Variants in CNBD1 observed in about 807,000 individuals in gnomAD.
CNBD1 encodes the protein cyclic nucleotide binding domain containing 1, also known as cyclic nucleotide-binding domain-containing protein 1.
CNBD1 carries 71 observed loss-of-function variants against 54.4 expected under a neutral mutation model. The observed-to-expected ratio is 1.30, with a 90% CI of 1.08 to 1.59. The LOEUF is 1.59. Among genes scored for constraint, CNBD1 ranks in the 40% most tolerant of loss-of-function variants. CNBD1 has a pLI of 0.00. For synonymous variants in CNBD1, 182 were observed against 170.7 expected (o/e 1.07, Z -0.51); for missense variants, 659 against 518.0 (o/e 1.27, Z -2.64).
chr8:87,052,617 C>G (rs1018412431), intron 4 of CNBD1, among the ~76,000 whole-genome samples: 2 of 152,152 alleles, frequency 1.3e-5, no homozygotes, highest in Non-Finnish European at 2.9e-5. Context: ...GTTCTCTAAT[C>G]CCCCTTCCAG....
chr8:86,934,939 T>C (rs529424781), intron 3 of CNBD1, among the ~76,000 whole-genome samples: 1 of 152,336 alleles, frequency 6.6e-6, no homozygotes, highest in East Asian at 1.9e-4. Context: ...ATATCAAGGC[T>C]AGGCTGGCCT....
chr8:87,088,055 T>C (rs551102184), intron 4 of CNBD1, among the ~76,000 whole-genome samples: 1 of 152,324 alleles, frequency 6.6e-6, no homozygotes, highest in Non-Finnish European at 1.5e-5. Context: ...CTTACTGCAG[T>C]AATACATTGA....
intron 4 of CNBD1, among the ~76,000 whole-genome samples, chr8:87,168,679 T>G (rs1395764198): frequency 1.3e-5 from 2 of 152,100 alleles, no homozygotes. Context: ...AGTGATAACA[T>G]GCAGTTTGTC....
rs1239425538 is a variant in CNBD1, at chr8:87,166,841, C to G, written c.432-39152C>G. On this transcript the variant is annotated intron_variant, in intron 4 of 10. Coordinates refer to ENST00000518476, the MANE Select transcript of CNBD1 (RefSeq NM_173538.3). The surrounding 1 kb of genome is among the most constrained non-coding windows in gnomAD (Gnocchi z 4.3). The stretch of plus-strand genomic sequence containing the variant: ...AGGCATTCTGCAACCCCACCACAAA[C>G]TCATAATTGTTCTATTTTCCAGTAT... Among the ~76,000 whole-genome samples the G allele has an allele frequency of 3.3e-5, 5 of 151,916 alleles. No homozygotes were observed.
chr8:87,413,541 T>A (rs1230439636), intron 2 of CNBD1, among the ~76,000 whole-genome samples: 1 of 152,148 alleles, frequency 6.6e-6, no homozygotes, highest in South Asian at 2.1e-4. Context: ...TGTTCCAAAT[T>A]CTTCTTTTTT....
chr8:87,192,796 T>G (rs1271797960), intron 4 of CNBD1, among the ~76,000 whole-genome samples: 2 of 152,198 alleles, frequency 1.3e-5, no homozygotes, highest in South Asian at 2.1e-4. Flanking sequence ...CTGTCCATTC[T>G]TTTAACTAGC....
At chr8:86,941,809 C>T (rs1807316514) in intron 4 of CNBD1, among the ~76,000 whole-genome samples, 1 of 152,136 alleles carries the variant, frequency 6.6e-6, no homozygotes, top group Non-Finnish European at 1.5e-5. Context: ...CTTTTGTGGA[C>T]CTCCATGGAT....
intron 5 of CNBD1, among the ~76,000 whole-genome samples, chr8:87,235,669 C>T (rs1409091813): frequency 6.6e-6 from 1 of 152,024 alleles, no homozygotes; most frequent in Non-Finnish European, 1.5e-5. Flanking sequence ...CAGATCACAA[C>T]AGATATAATA....
intron 4 of CNBD1, among the ~76,000 whole-genome samples, chr8:87,149,855 A>T (rs1416412433): frequency 6.6e-6 from 1 of 152,094 alleles, no homozygotes; most frequent in African/African-American, 2.4e-5. Flanking sequence ...AATCATGAGA[A>T]AATAGAAGAT....
At chr8:87,102,133 C>T (rs182551903) in intron 4 of CNBD1, among the ~76,000 whole-genome samples, 35 of 152,088 alleles carry the variant, frequency 2.3e-4, no homozygotes, top group African/African-American at 6.5e-4. Flanking sequence ...GTGATCTGCC[C>T]GCCTCGGCCT....
intron 2 of CNBD1, among the ~76,000 whole-genome samples, chr8:86,899,332 CA>C (rs568951399): frequency 4.0e-4 from 58 of 143,474 alleles, no homozygotes; most frequent in Middle Eastern, 3.6e-3. Context: ...GTTCTTGCCA[CA>C]AAAAAAAAAT....
rs1422420925 is a variant in CNBD1 at position 87,327,129 on chromosome 8, C to G, written c.1043-24556C>G. ...GTTAGGCTGCTCGGGGGTCAGGGGT[C>G]AGGGACCCACTTGAGGAGGCAGTCT... On this transcript the variant is annotated intron_variant, in intron 8 of 10. Transcript: ENST00000518476. Among the ~76,000 whole-genome samples the G allele has an allele frequency of 4.9e-5, 7 of 143,742 alleles. No homozygotes were observed. The Admixed American group carries it at 4.9e-4, about 10-fold the overall frequency. The allele number at this position is 143,742 out of a possible 152,430, so 94.3% of individuals were successfully genotyped here. A position where few individuals can be genotyped will look rare whatever the true frequency, so the allele number is the denominator to read the frequency against.
At chr8:87,056,165 G>C (rs1037787953) in intron 4 of CNBD1, among the ~76,000 whole-genome samples, 1 of 152,098 alleles carries the variant, frequency 6.6e-6, no homozygotes, top group Non-Finnish European at 1.5e-5. Context: ...TGTAACAGAA[G>C]CATTGTTAGC....
intron 2 of CNBD1, among the ~76,000 whole-genome samples, chr8:87,390,539 C>T (rs117544828): frequency 0.027 from 4,121 of 152,142 alleles, 76 homozygotes; most frequent in Non-Finnish European, 0.042. Context: ...AACCATAGTG[C>T]GATATCATCT....
chr8:87,264,587 A>G (rs918046994), intron 6 of CNBD1, among the ~76,000 whole-genome samples: 14 of 152,134 alleles, frequency 9.2e-5, no homozygotes, highest in Non-Finnish European at 1.9e-4. Flanking sequence ...GTCTTCCACA[A>G]TGGTTGAACT....
chr8:87,374,689 A>T (rs1434017367), intron 10 of CNBD1, among the ~76,000 whole-genome samples: 1 of 151,804 alleles, frequency 6.6e-6, no homozygotes, highest in African/African-American at 2.4e-5. Flanking sequence ...TTGCCTGGCC[A>T]TGAAATATAT....
chr8:86,903,626 C>T (rs893395701), intron 2 of CNBD1, among the ~76,000 whole-genome samples: 4 of 151,962 alleles, frequency 2.6e-5, no homozygotes, highest in South Asian at 2.1e-4. Flanking sequence ...TCATTTGTAC[C>T]GTATATCCTC....
At chr8:86,924,398 G>A (rs1214113009) in intron 3 of CNBD1, among the ~76,000 whole-genome samples, 19 of 152,160 alleles carry the variant, frequency 1.2e-4, no homozygotes, top group Admixed American at 1.2e-3. Context: ...TCATCAAGAT[G>A]AGGGTGTAGG....
chr8:87,109,827 C>T (rs940766272), intron 4 of CNBD1, among the ~76,000 whole-genome samples: 27 of 152,060 alleles, frequency 1.8e-4, no homozygotes, highest in Admixed American at 7.2e-4. Context: ...TGTGAGCCAC[C>T]GTGCCCAGCC....
Sources: allele counts gnomAD v4.1 joint callset (sites outside exome capture counted in the v4.1 genomes callset), GRCh38; gene constraint gnomAD v4.1.1; non-coding constraint Gnocchi (gnomAD v3.1); transcripts MANE v1.5; gene names NCBI Gene and HGNC (gene_info 2026-07-23, HGNC 2026-07-21).